ATR: variants seen among roughly 807,000 people sequenced by gnomAD.
ATR encodes the protein serine/threonine-protein kinase ATR.
ATR carries 142 observed loss-of-function variants against 305.3 expected under a neutral mutation model. The observed-to-expected ratio is 0.47, with a 90% CI of 0.41 to 0.53. ATR has a LOEUF of 0.53. Ranked by LOEUF, ATR falls within the 20% of genes least tolerant of loss-of-function variation. The pLI is 0.00. For missense variants in ATR, 2,135 were observed against 3,133.1 expected, an observed-to-expected ratio of 0.68 and a Z score of 7.60; for synonymous variants, 1,050 against 1,068.1, an observed-to-expected ratio of 0.98 and a Z score of 0.33.
At chr3:142,564,755 CT>C (rs897741478) in intron 3 of ATR, among the ~76,000 whole-genome samples, 16 of 147,432 alleles carry the variant, frequency 1.1e-4, no homozygotes, top group South Asian at 2.1e-4. Context: ...ATAATATTTT[CT>C]TTTTTTTTTT....
rs1441692843 is a variant in ATR at position 142,562,814 on chromosome 3, C to T, written c.588G>A (p.Leu196=). ...MGYLQSAPLQ[L]MSMQNLEFIE... ...TAAATTCTAAATTTTGCATACTCAT[C>T]AACTGCAAAGGAGCTGATTGTAAAT... is the stretch of plus-strand genomic sequence containing the variant. Residue 196 remains leucine, a synonymous_variant, in exon 4 of 47, where the codon TTG becomes TTA. Transcript: ENST00000350721. The T allele has an allele frequency of 1.0e-5, 16 of 1,606,968 alleles. No individual in the cohort carries two copies. The highest frequency in any genetic ancestry group is 1.3e-5 in the Non-Finnish European group (15 of 1,177,046).
intron 35 of ATR, among the ~76,000 whole-genome samples, chr3:142,487,909 T>C (rs2031042312): frequency 6.6e-6 from 1 of 152,238 alleles, no homozygotes; most frequent in African/African-American, 2.4e-5. Flanking sequence ...ACCCAAGTGA[T>C]ACAACAACAT....
rs777282896 is a variant in ATR at position 142,529,159 on chromosome 3, C to T, written c.3946-4960G>A. 9.0e-4 allele frequency among the ~76,000 whole-genome samples: 137 copies of T among 151,412 alleles called. 1 individual carries two copies. Among genetic ancestry groups the T allele is most frequent in the Admixed American group, 2.6e-3 (39 of 15,208 alleles). On this transcript the variant is annotated intron_variant, in intron 21 of 46. Transcript: ENST00000350721. ...CCTCCCAAAGTGCTGGGATTACAGG[C>T]GTGAGCTACCGTGCCCAGCCTATCC...
At chr3:142,566,980 G>T (rs1424985196) in intron 2 of ATR, among the ~76,000 whole-genome samples, 2 of 152,144 alleles carry the variant, frequency 1.3e-5, no homozygotes, top group African/African-American at 4.8e-5. Context: ...CTGACCTCAG[G>T]TGATCCACCC....
At chr3:142,529,173 C>T (rs2033539307) in intron 21 of ATR, among the ~76,000 whole-genome samples, 1 of 151,454 alleles carries the variant, frequency 6.6e-6, no homozygotes, top group Non-Finnish European at 1.5e-5. Context: ...AGCTACCGTG[C>T]CCAGCCTATC....
intron 36 of ATR, among the ~76,000 whole-genome samples, chr3:142,474,108 G>A (rs910200123): frequency 4.0e-5 from 6 of 151,712 alleles, no homozygotes; most frequent in African/African-American, 1.5e-4. Flanking sequence ...TGTATTTTCA[G>A]TAGAGACTAG....
intron 35 of ATR, among the ~76,000 whole-genome samples, chr3:142,492,148 T>A (rs2031317598): frequency 6.6e-6 from 1 of 152,194 alleles, no homozygotes. Flanking sequence ...GCCCTTCTAG[T>A]ATGGATATAG....
At chr3:142,467,268 G>A (rs1406173293) in intron 39 of ATR, among the ~76,000 whole-genome samples, 2 of 151,836 alleles carry the variant, frequency 1.3e-5, no homozygotes, top group Non-Finnish European at 2.9e-5. Flanking sequence ...ACATCCTTGG[G>A]GGTTTTTCTC....
At chr3:142,535,017 T>C in intron 21 of ATR, 63 bp downstream of exon 21, 1 of 1,514,030 alleles carries the variant, frequency 6.6e-7, no homozygotes, top group Non-Finnish European at 9.0e-7. Flanking sequence ...CATTTTGTCA[T>C]CTTTTCTTTA....
intron 21 of ATR, among the ~76,000 whole-genome samples, chr3:142,525,289 T>C (rs2033326967): frequency 6.6e-6 from 1 of 152,222 alleles, no homozygotes. Context: ...TTGTTATAAC[T>C]GTAGTGGCTA....
At chr3:142,453,377 T>C in intron 45 of ATR, 144 bp from the exon 46 acceptor site, 4 of 1,180,190 alleles carry the variant, frequency 3.4e-6, no homozygotes, top group East Asian at 5.2e-5. Context: ...TTATGTGAAA[T>C]TTCTGTTTTG....
In ATR at chr3:142,493,024, G is replaced by A. The variant is rs553228547; in HGVS notation, c.6078+108C>T. The A allele has an allele frequency of 1.7e-4, 217 of 1,245,780 alleles. No homozygotes were observed. The African/African-American group carries it at 2.8e-3, about 16-fold the overall frequency. 77.2% of individuals were successfully genotyped at this position (1,245,780 alleles called of 1,614,324 possible). The stretch of plus-strand genomic sequence containing the variant: ...CATATACTTATATACTCACTGAAAA[G>A]TCAAAAAAATTTCCTGGTTATTTTT... On this transcript the variant is annotated intron_variant, in intron 35 of 46. Coordinates refer to ENST00000350721, the MANE Select transcript of ATR (RefSeq NM_001184.4).
intron 26 of ATR, among the ~76,000 whole-genome samples, chr3:142,513,068 A>T (rs940713490): frequency 6.6e-6 from 1 of 152,206 alleles, no homozygotes; most frequent in East Asian, 1.9e-4. Flanking sequence ...ACTATATGCA[A>T]AATTAAGTTC....
At chr3:142,522,370 A>G (rs537808099) in intron 23 of ATR, among the ~76,000 whole-genome samples, 28 of 152,256 alleles carry the variant, frequency 1.8e-4, no homozygotes, top group African/African-American at 6.0e-4. Flanking sequence ...CTGAACCCCT[A>G]CTATCTCTGA....
intron 46 of ATR, chr3:142,450,353 A>G (rs1457806011): frequency 1.5e-5 from 20 of 1,297,434 alleles, no homozygotes; most frequent in Non-Finnish European, 2.1e-5. Context: ...AGTTCATTCA[A>G]GACAGTGTTT....
At chr3:142,575,259 G>A (rs1394444159) in intron 1 of ATR, among the ~76,000 whole-genome samples, 14 of 152,112 alleles carry the variant, frequency 9.2e-5, no homozygotes, top group African/African-American at 3.1e-4. Context: ...GCTGAGGTGG[G>A]TGCATCACTT....
At chr3:142,572,153 T>A (rs2035288182) in intron 1 of ATR, among the ~76,000 whole-genome samples, 1 of 150,912 alleles carries the variant, frequency 6.6e-6, no homozygotes, top group Non-Finnish European at 1.5e-5. Flanking sequence ...CACTGCAACC[T>A]CCGCCTCGCA....
rs762967315 is a variant in ATR at position 142,553,805 on chromosome 3, T to C, written c.2532+20A>G. The C allele has an allele frequency of 2.5e-6, 4 of 1,612,516 alleles. No individual in the cohort carries two copies. In the East Asian group the frequency reaches 8.9e-5, roughly 36 times the overall value. ...GCTAGGTTGACGTAAACTCAAATGT[T>C]AAAAACAAAAATTATCAACCTCCTT... On this transcript the variant is annotated intron_variant, in intron 11 of 46. Coordinates refer to ENST00000350721, the MANE Select transcript of ATR (RefSeq NM_001184.4).
At chr3:142,553,490 A>T in intron 12 of ATR, 92 bp from the exon 13 acceptor site, 1 of 1,476,722 alleles carries the variant, frequency 6.8e-7, no homozygotes, top group Admixed American at 1.8e-5. Flanking sequence ...AATATCCCAG[A>T]AACAAACGGA....
Sources: allele counts gnomAD v4.1 joint callset (sites outside exome capture counted in the v4.1 genomes callset), GRCh38; gene constraint gnomAD v4.1.1; transcripts MANE v1.5; gene names NCBI Gene and HGNC (gene_info 2026-07-23, HGNC 2026-07-21).